Variants in MED12L observed in about 807,000 individuals in gnomAD.
MED12L encodes the protein mediator complex subunit 12L, also known as mediator of RNA polymerase II transcription subunit 12-like protein.
Under a neutral mutation model 281.3 loss-of-function variants are expected in MED12L, and 60 were observed. The observed-to-expected ratio is 0.21, with a 90% CI of 0.17 to 0.26. The LOEUF is 0.26. MED12L is among the 10% of genes least tolerant of loss of function. MED12L has a pLI of 1.00. For synonymous variants in MED12L, 974 were observed against 987.2 expected, an observed-to-expected ratio of 0.99 and a Z score of 0.25; for missense variants, 2,146 against 2,680.9, an observed-to-expected ratio of 0.80 and a Z score of 4.41.
intron 2 of MED12L, among the ~76,000 whole-genome samples, chr3:151,093,242 T>G (rs760933472): frequency 3.3e-5 from 5 of 152,154 alleles, no homozygotes; most frequent in Non-Finnish European, 5.9e-5. Context: ...AGGTCAAGGC[T>G]GCAGTGAGCT....
chr3:151,128,752 C>T (rs554699480), intron 5 of MED12L, among the ~76,000 whole-genome samples: 25 of 152,156 alleles, frequency 1.6e-4, no homozygotes, highest in Non-Finnish European at 2.4e-4. Flanking sequence ...TATGTTCTCA[C>T]GTTATTATTT....
intron 8 of MED12L, among the ~76,000 whole-genome samples, chr3:151,163,121 C>T (rs3116549): frequency 0.18 from 26,845 of 152,008 alleles, 2,894 homozygotes; most frequent in South Asian, 0.26. Context: ...CTAATCTACG[C>T]GGCTCATAGT....
At chr3:151,202,516 CA>C (rs1576956849) in intron 16 of MED12L, among the ~76,000 whole-genome samples, 1 of 152,188 alleles carries the variant, frequency 6.6e-6, no homozygotes, top group East Asian at 1.9e-4. Flanking sequence ...ACTAAAAATA[CA>C]AAAATTAGCC....
At chr3:151,423,145 G>A (rs572663564) in intron 43 of MED12L, among the ~76,000 whole-genome samples, 3 of 151,374 alleles carry the variant, frequency 2.0e-5, no homozygotes. Flanking sequence ...TCAGCATCCC[G>A]AGTAGCTGGG....
chr3:151,275,992 G>A (rs555553218), intron 16 of MED12L, among the ~76,000 whole-genome samples: 1 of 152,256 alleles, frequency 6.6e-6, no homozygotes, highest in East Asian at 1.9e-4. Context: ...CCAATGAAAT[G>A]CCTTCTTAGC....
intron 2 of MED12L, among the ~76,000 whole-genome samples, chr3:151,108,991 G>T (rs1047019440): frequency 6.6e-6 from 1 of 152,144 alleles, no homozygotes; most frequent in African/African-American, 2.4e-5. Context: ...AGATCATTCT[G>T]TGAAGTTCAA....
intron 2 of MED12L, among the ~76,000 whole-genome samples, chr3:151,089,000 T>C (rs923638105): frequency 6.6e-6 from 1 of 152,198 alleles, no homozygotes; most frequent in Non-Finnish European, 1.5e-5. Flanking sequence ...TGGCTGTTCT[T>C]GGGTGGTTGG....
chr3:151,257,347 G>GT (rs1038700935), intron 16 of MED12L, among the ~76,000 whole-genome samples: 14 of 152,218 alleles, frequency 9.2e-5, no homozygotes, highest in Non-Finnish European at 1.9e-4. Context: ...CTGTAGTCCT[G>GT]TTTTTTTAAA....
Position 151,345,534 on chromosome 3 carries a change from T to C in MED12L, c.2251-4525T>C, listed in dbSNP as rs1334536051. Among the ~76,000 whole-genome samples, 37 of 148,376 alleles carry C rather than the reference T, an allele frequency of 2.5e-4. No individual in the cohort carries two copies. In the East Asian group the frequency reaches 5.7e-3, roughly 23 times the overall value. Reference sequence around the variant, plus strand: ...TTCTTTTTCTTTTTTTTTTTTTTTTTGAGACCAAGTTTTGCTCTTGTCACC... The same window carrying C: ...TTCTTTTTCTTTTTTTTTTTTTTTTCGAGACCAAGTTTTGCTCTTGTCACC... On this transcript the variant is annotated intron_variant, in intron 16 of 44. Transcript: ENST00000687756.
rs140019507 is a variant in MED12L, at chr3:151,402,575, C to T, written c.5821-6668C>T. On this transcript the variant is annotated intron_variant, in intron 39 of 44. Coordinates refer to ENST00000687756, the MANE Select transcript of MED12L (RefSeq NM_001393769.1). ...CTGAGCTCCCCCACTGGCCCTAGGGCGGGAAGGACCCTAGCCCCTTGTTGG... is the reference window on the plus strand; with the variant it reads ...CTGAGCTCCCCCACTGGCCCTAGGGTGGGAAGGACCCTAGCCCCTTGTTGG... Among the ~76,000 whole-genome samples, 633 of 152,282 alleles carry T rather than the reference C, an allele frequency of 4.2e-3. 2 individuals carry two copies. The highest frequency in any genetic ancestry group is 6.1e-3 in the Non-Finnish European group (412 of 68,016).
intron 39 of MED12L, among the ~76,000 whole-genome samples, chr3:151,404,838 A>G (rs781246332): frequency 6.1e-4 from 93 of 152,258 alleles, no homozygotes; most frequent in Non-Finnish European, 1.1e-3. Flanking sequence ...TGCTCTGATT[A>G]TAATCCTTAC....
At chr3:151,348,606 C>G (rs1488903140) in intron 16 of MED12L, among the ~76,000 whole-genome samples, 1 of 151,162 alleles carries the variant, frequency 6.6e-6, no homozygotes, top group Non-Finnish European at 1.5e-5. Context: ...ATTTGAACAC[C>G]TGAAACATTA....
At chr3:151,351,074 TAA>T (rs1308408423) in intron 17 of MED12L, among the ~76,000 whole-genome samples, 1 of 152,228 alleles carries the variant, frequency 6.6e-6, no homozygotes, top group Non-Finnish European at 1.5e-5. Context: ...GCACGTGGTA[TAA>T]ACCACCTCTA....
intron 16 of MED12L, among the ~76,000 whole-genome samples, chr3:151,258,851 CA>C (rs63714361): frequency 0.52 from 47,097 of 90,028 alleles, 10,071 homozygotes; most frequent in African/African-American, 0.63. Flanking sequence ...GATTCTGTCT[CA>C]AAAAAAAAAA....
At chr3:151,110,288 G>A (rs974990835) in intron 2 of MED12L, among the ~76,000 whole-genome samples, 6 of 152,150 alleles carry the variant, frequency 3.9e-5, no homozygotes, top group Non-Finnish European at 5.9e-5. Flanking sequence ...CAGGTGACAC[G>A]CATTACCTCT....
At chr3:151,419,915 G>GAA in intron 43 of MED12L, among the ~76,000 whole-genome samples, 1 of 151,858 alleles carries the variant, frequency 6.6e-6, no homozygotes, top group Admixed American at 6.6e-5. Context: ...TTTAACAAAA[G>GAA]GAGGAAGTAC....
At chr3:151,122,451 A>G (rs978262547) in intron 3 of MED12L, among the ~76,000 whole-genome samples, 1 of 152,180 alleles carries the variant, frequency 6.6e-6, no homozygotes, top group Non-Finnish European at 1.5e-5. Context: ...GTAGTATTAG[A>G]AAGGAGAAAG....
intron 16 of MED12L, among the ~76,000 whole-genome samples, chr3:151,275,714 G>C (rs1442270722): frequency 6.6e-6 from 1 of 152,144 alleles, no homozygotes; most frequent in African/African-American, 2.4e-5. Context: ...AGAAGAACCA[G>C]AAAATTTAGT....
At chr3:151,137,986 A>G (rs1371621012) in intron 5 of MED12L, among the ~76,000 whole-genome samples, 1 of 152,186 alleles carries the variant, frequency 6.6e-6, no homozygotes, top group Non-Finnish European at 1.5e-5. Flanking sequence ...AAAGATGTGC[A>G]GAAGTTTTGC....
Sources: allele counts gnomAD v4.1 joint callset (sites outside exome capture counted in the v4.1 genomes callset), GRCh38; gene constraint gnomAD v4.1.1; transcripts MANE v1.5; gene names NCBI Gene and HGNC (gene_info 2026-07-23, HGNC 2026-07-21).